Variants in PRUNE1 observed in about 807,000 individuals in gnomAD.
The protein encoded by PRUNE1 is exopolyphosphatase PRUNE1.
Under a neutral mutation model 42.5 loss-of-function variants are expected in PRUNE1, and 25 were observed. The observed-to-expected ratio is 0.59, with a 90% confidence interval of 0.43 to 0.82. The LOEUF (loss-of-function observed/expected upper bound fraction) is 0.82, where lower values mean the gene tolerates loss of function less well. Among genes scored for constraint, PRUNE1 ranks in the 40% least tolerant of loss-of-function variants. The pLI is 0.00. For missense variants in PRUNE1, 443 were observed against 539.3 expected, an observed-to-expected ratio of 0.82 and a Z score of 1.77; for synonymous variants, 203 against 217.1, an observed-to-expected ratio of 0.93 and a Z score of 0.57.
chr1:151,032,288 T>C (rs147910160), intron 7 of PRUNE1, among the ~76,000 whole-genome samples: 2 of 151,044 alleles, frequency 1.3e-5, no homozygotes, highest in South Asian at 2.1e-4. Context: ...TAAAACACTG[T>C]GTATGAATCC....
chr1:151,033,287 G>C (rs12068631), intron 7 of PRUNE1, among the ~76,000 whole-genome samples: 7 of 149,610 alleles, frequency 4.7e-5, no homozygotes, highest in Non-Finnish European at 1.0e-4. Flanking sequence ...GTTTCTCCAT[G>C]ATGGTCAGGC....
intron 1 of PRUNE1, among the ~76,000 whole-genome samples, chr1:151,015,329 T>A (rs1674034582): frequency 8.9e-6 from 1 of 112,450 alleles, no homozygotes; most frequent in Admixed American, 1.1e-4. Context: ...TGAGACTCCA[T>A]CTGAAAAAAA....
At chr1:151,031,107 AT>A (rs1675212464) in intron 7 of PRUNE1, among the ~76,000 whole-genome samples, 1 of 151,414 alleles carries the variant, frequency 6.6e-6, no homozygotes, top group Non-Finnish European at 1.5e-5. Flanking sequence ...TGGATTTCTA[AT>A]GACTCTACCA....
intron 1 of PRUNE1, 103 bp from the exon 2 acceptor site, chr1:151,017,709 G>C: frequency 1.6e-6 from 1 of 636,178 alleles, no homozygotes; most frequent in Middle Eastern, 5.2e-4. Context: ...CTGGGCGACA[G>C]AGTGAGACCT....
At chr1:151,026,472 A>G (rs1674846389) in intron 5 of PRUNE1, among the ~76,000 whole-genome samples, 1 of 152,074 alleles carries the variant, frequency 6.6e-6, no homozygotes, top group African/African-American at 2.4e-5. Flanking sequence ...AAAAAACAAA[A>G]AGAGCCTCAT....
chr1:151,010,027 A>G (rs1673660373), intron 1 of PRUNE1, among the ~76,000 whole-genome samples: 1 of 152,160 alleles, frequency 6.6e-6, no homozygotes, highest in Admixed American at 6.5e-5. Flanking sequence ...CTTTGCATGC[A>G]TCTACTCTCC....
At chr1:151,024,141 C>T (rs1158442223) in intron 3 of PRUNE1, among the ~76,000 whole-genome samples, 1 of 144,314 alleles carries the variant, frequency 6.9e-6, no homozygotes, top group Non-Finnish European at 1.5e-5. Context: ...GAGCCGAGAT[C>T]GTGCCATTGC....
chr1:151,029,362 A>C (rs2102938636), intron 7 of PRUNE1, among the ~76,000 whole-genome samples: 1 of 133,232 alleles, frequency 7.5e-6, no homozygotes, highest in South Asian at 2.6e-4. Flanking sequence ...CTTAAGCTGG[A>C]AAGTTTTTTT....
rs764192570 is a variant in PRUNE1 at position 151,034,211 on chromosome 1, A to G, written c.1339A>G (p.Thr447Ala). The G allele has an allele frequency of 6.2e-7, 1 of 1,611,782 alleles. No individual in the cohort carries two copies. Among genetic ancestry groups the G allele is most frequent in the Admixed American group, 1.7e-5 (1 of 59,954 alleles). Residue 447 changes from threonine (T) to alanine (A), a missense_variant, in exon 8 of 8, where the codon ACA becomes GCA. By Grantham distance (58) the Thr-to-Ala change is moderately conservative. Coordinates refer to ENST00000271620, the MANE Select transcript of PRUNE1 (RefSeq NM_021222.3). ...TCAGATCTCACTGTCACAGTCTACCACAGCCTCCCTGTCCAAGAAGTGACT... is the reference window on the plus strand; with the variant it reads ...TCAGATCTCACTGTCACAGTCTACCGCAGCCTCCCTGTCCAAGAAGTGACT... ...CSQISLSQST[T>A]ASLSKK
intron 5 of PRUNE1, among the ~76,000 whole-genome samples, 168 bp downstream of exon 5, chr1:151,025,841 A>C (rs1185252571): frequency 6.6e-6 from 1 of 151,834 alleles, no homozygotes; most frequent in Non-Finnish European, 1.5e-5. Context: ...CCTGGGTTCA[A>C]GCGATTCTCC....
chr1:151,008,760 CG>C, intron 1 of PRUNE1, 89 bp downstream of exon 1: 1 of 1,286,242 alleles, frequency 7.8e-7, no homozygotes. Context: ...CTCGACGGTC[CG>C]TGTGGAGGGA....
chr1:151,019,590 T>C (rs1213148040), intron 3 of PRUNE1, among the ~76,000 whole-genome samples: 4 of 151,678 alleles, frequency 2.6e-5, no homozygotes, highest in Admixed American at 2.6e-4. Context: ...TGAGACAGAT[T>C]TATTGTAATA....
Position 151,008,604 on chromosome 1 carries a change from A to T in PRUNE1, c.-29A>T, listed in dbSNP as rs1420544061. On this transcript the variant is annotated 5_prime_UTR_variant, in exon 1 of 8. Coordinates refer to ENST00000271620, the MANE Select transcript of PRUNE1 (RefSeq NM_021222.3). ...CGACCAGGGGCACCTCTACTCGACC[A>T]GGGGCGACGGCGTACTTTGGGCTTC... 2 of 1,613,992 alleles carry T rather than the reference A, an allele frequency of 1.2e-6. No individual in the cohort carries two copies. The highest frequency in any genetic ancestry group is 3.3e-5 in the Admixed American group (2 of 60,022).
chr1:151,033,154 T>G (rs587729788), intron 7 of PRUNE1, among the ~76,000 whole-genome samples: 3 of 149,954 alleles, frequency 2.0e-5, no homozygotes, highest in African/African-American at 4.9e-5. Context: ...GGCACCATCT[T>G]GGCTCACTGC....
intron 3 of PRUNE1, among the ~76,000 whole-genome samples, chr1:151,019,101 A>G (rs1485090707): frequency 1.3e-5 from 2 of 152,222 alleles, no homozygotes; most frequent in South Asian, 4.1e-4. Context: ...TTGATAGGTC[A>G]TATTAGATAT....
At chr1:151,033,066 G>T (rs1372190751) in intron 7 of PRUNE1, among the ~76,000 whole-genome samples, 1 of 150,008 alleles carries the variant, frequency 6.7e-6, no homozygotes, top group Non-Finnish European at 1.5e-5. Flanking sequence ...GAGCCACTGT[G>T]CCCGGCCTCA....
chr1:151,016,748 C>T (rs1250880058), intron 1 of PRUNE1, among the ~76,000 whole-genome samples: 5 of 151,694 alleles, frequency 3.3e-5, no homozygotes, highest in Admixed American at 6.6e-5. Flanking sequence ...GTGATCCGCC[C>T]GCCTCAGCCT....
intron 3 of PRUNE1, among the ~76,000 whole-genome samples, chr1:151,021,180 C>T (rs1571788773): frequency 1.3e-5 from 2 of 149,586 alleles, no homozygotes; most frequent in South Asian, 2.1e-4. Context: ...CCAGGCCGGG[C>T]GTGGTGGCTC....
intron 1 of PRUNE1, among the ~76,000 whole-genome samples, chr1:151,014,124 C>T (rs1292528205): frequency 6.6e-6 from 1 of 152,122 alleles, no homozygotes; most frequent in Non-Finnish European, 1.5e-5. Flanking sequence ...GGACTACAGG[C>T]ACCCGCCACC....
Sources: gnomAD v4.1 joint callset for allele counts (sites outside exome capture counted in the v4.1 genomes callset) on GRCh38, gnomAD v4.1.1 for gene constraint, MANE v1.5 for transcripts, NCBI Gene and HGNC (gene_info 2026-07-23, HGNC 2026-07-21) for gene names.